Variants in TENM3 observed in about 807,000 individuals in gnomAD.
TENM3 encodes the protein teneurin-3.
A neutral mutation model predicts 255.1 loss-of-function variants in TENM3; 63 were observed. That is an observed-to-expected ratio of 0.25 (90% confidence interval 0.20 to 0.30). TENM3 has a LOEUF of 0.30. Among genes scored for constraint, TENM3 ranks in the 10% least tolerant of loss-of-function variants. TENM3 has a pLI of 1.00. For synonymous variants in TENM3, 1,306 were observed against 1,322.3 expected, an observed-to-expected ratio of 0.99 and a Z score of 0.27; for missense variants, 2,929 against 3,461.1, an observed-to-expected ratio of 0.85 and a Z score of 3.86.
intron 3 of TENM3, among the ~76,000 whole-genome samples, chr4:182,574,938 C>T (rs1744776258): frequency 6.6e-6 from 1 of 152,118 alleles, no homozygotes; most frequent in African/African-American, 2.4e-5. Context: ...GGTTATCTCC[C>T]CAACTTTTGC....
At chr4:181,764,620 T>C in the TENM3 span, among the ~76,000 whole-genome samples, 1 of 152,224 alleles carries the variant, frequency 6.6e-6, no homozygotes, top group Non-Finnish European at 1.5e-5. Context: ...CCCCAGAAGA[T>C]AGTGCTTTCG....
chr4:182,733,075 G>A (rs574910698), intron 16 of TENM3, among the ~76,000 whole-genome samples: 1 of 152,298 alleles, frequency 6.6e-6, no homozygotes, highest in Non-Finnish European at 1.5e-5. Context: ...ATGTCAGGTT[G>A]CGATGAGACT....
At chr4:182,241,518 CTTTT>C (rs982739950), upstream of TENM3, among the ~76,000 whole-genome samples, 3 of 114,272 alleles carry the variant, frequency 2.6e-5, no homozygotes, top group East Asian at 2.3e-4. Flanking sequence ...TTTTTTCTTT[CTTTT>C]TTTTTTTTTT....
the TENM3 span, among the ~76,000 whole-genome samples, chr4:181,944,351 A>G: frequency 6.7e-6 from 1 of 148,946 alleles, no homozygotes; most frequent in East Asian, 2.0e-4. Flanking sequence ...CAGCTCCAGA[A>G]GAGAGAATAT....
chr4:182,325,681 A>C (rs1013357412), intron 2 of TENM3, among the ~76,000 whole-genome samples: 4 of 152,180 alleles, frequency 2.6e-5, no homozygotes, highest in Non-Finnish European at 5.9e-5. Context: ...TGCAATCTGC[A>C]CCAAATGTGA....
chr4:182,383,424 T>C (rs1767700573), intron 3 of TENM3, among the ~76,000 whole-genome samples: 2 of 151,784 alleles, frequency 1.3e-5, no homozygotes, highest in Non-Finnish European at 1.5e-5. Context: ...AAGGAGAGAG[T>C]CTTTGTCAGT....
the TENM3 span, among the ~76,000 whole-genome samples, chr4:181,784,204 C>T: frequency 6.6e-6 from 1 of 151,374 alleles, no homozygotes; most frequent in Non-Finnish European, 1.5e-5. Flanking sequence ...TGACACATGC[C>T]CTTTGTTATT....
the TENM3 span, among the ~76,000 whole-genome samples, chr4:181,691,055 G>A: frequency 1.3e-5 from 2 of 152,156 alleles, no homozygotes; most frequent in South Asian, 2.1e-4. Context: ...GGCTTCCAAG[G>A]AAAATTTAGT....
chr4:182,042,796 C>G, the TENM3 span, among the ~76,000 whole-genome samples: 41,946 of 151,754 alleles, frequency 0.28, 7,363 homozygotes, highest in African/African-American at 0.5. Context: ...ATGACAACAA[C>G]TGTGGTTTTG....
intron 1 of TENM3, among the ~76,000 whole-genome samples, chr4:182,217,438 T>C (rs1755561843): frequency 1.3e-5 from 2 of 152,300 alleles, no homozygotes; most frequent in South Asian, 4.1e-4. Flanking sequence ...ATGGCATGTT[T>C]CTGAGTGTTT....
At chr4:182,483,226 G>A (rs1246031572) in intron 3 of TENM3, among the ~76,000 whole-genome samples, 2 of 152,048 alleles carry the variant, frequency 1.3e-5, no homozygotes, top group African/African-American at 2.4e-5. Context: ...TGTCTCTATG[G>A]CACATTATCA....
the TENM3 span, among the ~76,000 whole-genome samples, chr4:182,059,851 T>A: frequency 6.6e-6 from 1 of 151,946 alleles, no homozygotes; most frequent in South Asian, 2.1e-4. Flanking sequence ...GAGGATCAAT[T>A]GAGCCCAGGA....
intron 16 of TENM3, among the ~76,000 whole-genome samples, chr4:182,731,694 G>GGTGT (rs70956536): frequency 0.011 from 1,397 of 124,708 alleles, 11 homozygotes; most frequent in Non-Finnish European, 0.015. Flanking sequence ...TGGGTGTTGG[G>GGTGT]GTGTGTGTGT....
intron 24 of TENM3, among the ~76,000 whole-genome samples, chr4:182,781,985 T>C (rs1765209776): frequency 7.2e-6 from 1 of 138,148 alleles, no homozygotes; most frequent in African/African-American, 2.7e-5. Flanking sequence ...ATCAATTTTG[T>C]TGATCCTTTC....
the TENM3 span, among the ~76,000 whole-genome samples, chr4:182,053,584 G>A: frequency 5.9e-5 from 9 of 152,146 alleles, no homozygotes; most frequent in East Asian, 1.5e-3. Flanking sequence ...AGCTCTGTAG[G>A]AGGAGAGGTA....
chr4:181,757,057 A>G, the TENM3 span, among the ~76,000 whole-genome samples: 1 of 152,208 alleles, frequency 6.6e-6, no homozygotes, highest in East Asian at 1.9e-4. Context: ...GTTACAGCAC[A>G]GATGTAAACC....
At chr4:182,595,833 A>G (rs1384347042) in intron 3 of TENM3, among the ~76,000 whole-genome samples, 3 of 151,480 alleles carry the variant, frequency 2.0e-5, no homozygotes, top group Non-Finnish European at 4.4e-5. Context: ...AAAGGAAAAC[A>G]TACTGTGTTT....
the TENM3 span, among the ~76,000 whole-genome samples, chr4:181,669,375 A>G: frequency 6.6e-6 from 1 of 152,102 alleles, no homozygotes; most frequent in Non-Finnish European, 1.5e-5. Context: ...ATTTCTTGGG[A>G]GTTGGACCAA....
the TENM3 span, among the ~76,000 whole-genome samples, chr4:181,767,620 T>C: frequency 4.6e-5 from 7 of 152,178 alleles, no homozygotes; most frequent in Admixed American, 3.9e-4. Flanking sequence ...CACTGGATCC[T>C]ATTCCAGAGA....
Sources: allele counts gnomAD v4.1 joint callset (sites outside exome capture counted in the v4.1 genomes callset), GRCh38; gene constraint gnomAD v4.1.1; transcripts MANE v1.5; gene names NCBI Gene and HGNC (gene_info 2026-07-23, HGNC 2026-07-21).